LTBP1: variants seen among roughly 807,000 people sequenced by gnomAD.
The protein encoded by LTBP1 is latent-transforming growth factor beta-binding protein 1.
Under a neutral mutation model 207.6 loss-of-function variants are expected in LTBP1, and 129 were observed. The ratio of observed to expected loss-of-function variants is 0.62; its 90% CI spans 0.54 to 0.72. The LOEUF (loss-of-function observed/expected upper bound fraction) is 0.72. LTBP1 is among the 30% of genes least tolerant of loss of function. LTBP1 has a pLI of 0.00. For synonymous variants in LTBP1, 963 were observed against 833.7 expected (o/e 1.16, Z -2.67); for missense variants, 2,281 against 2,217.2 (o/e 1.03, Z -0.58).
chr2:33,396,055 A>C (rs1005921578), intron 32 of LTBP1, among the ~76,000 whole-genome samples: 7 of 152,044 alleles, frequency 4.6e-5, no homozygotes, highest in Non-Finnish European at 8.8e-5. Flanking sequence ...TGCCTGGCTA[A>C]ATTGTTTTTA....
chr2:33,161,636 G>T (rs1558730936), intron 5 of LTBP1, among the ~76,000 whole-genome samples: 1 of 152,286 alleles, frequency 6.6e-6, no homozygotes, highest in East Asian at 1.9e-4. Context: ...AAAGAATGGA[G>T]AATGTTAATA....
intron 5 of LTBP1, among the ~76,000 whole-genome samples, chr2:33,173,050 C>G (rs2085627383): frequency 6.6e-6 from 1 of 152,038 alleles, no homozygotes; most frequent in African/African-American, 2.4e-5. Flanking sequence ...CAAGAGAAAG[C>G]AGGAAAGATC....
At chr2:33,153,047 T>C (rs368287319) in intron 5 of LTBP1, among the ~76,000 whole-genome samples, 2 of 152,212 alleles carry the variant, frequency 1.3e-5, no homozygotes, top group African/African-American at 2.4e-5. Flanking sequence ...ATGAAACATA[T>C]CTACGCAGAG....
At chr2:33,123,958 G>C (rs1266044711) in intron 4 of LTBP1, among the ~76,000 whole-genome samples, 2 of 152,112 alleles carry the variant, frequency 1.3e-5, no homozygotes, top group Non-Finnish European at 2.9e-5. Context: ...AGCTCTTTGT[G>C]TAAGTTATCT....
chr2:33,156,025 A>G (rs1303770886), intron 5 of LTBP1, among the ~76,000 whole-genome samples: 1 of 152,194 alleles, frequency 6.6e-6, no homozygotes, highest in Non-Finnish European at 1.5e-5. Flanking sequence ...AGAAATCTTA[A>G]ATTAATAACA....
At chr2:32,998,924 G>C (rs1455749916) in intron 2 of LTBP1, among the ~76,000 whole-genome samples, 1 of 152,210 alleles carries the variant, frequency 6.6e-6, no homozygotes, top group Non-Finnish European at 1.5e-5. Context: ...TGTTATAGCA[G>C]CCTGGGCTAA....
intron 4 of LTBP1, among the ~76,000 whole-genome samples, chr2:33,129,341 G>A (rs966497679): frequency 1.3e-5 from 2 of 152,152 alleles, no homozygotes; most frequent in Admixed American, 6.5e-5. Flanking sequence ...GGGCAGAGGC[G>A]ACAGCACTTG....
intron 3 of LTBP1, among the ~76,000 whole-genome samples, chr2:33,028,602 A>G (rs189292421): frequency 2.0e-5 from 3 of 152,276 alleles, no homozygotes; most frequent in East Asian, 1.9e-4. Context: ...GGAATTAGCA[A>G]AACTTTACTT....
intron 2 of LTBP1, among the ~76,000 whole-genome samples, chr2:32,989,746 G>A (rs1446801950): frequency 2.0e-5 from 3 of 152,198 alleles, no homozygotes; most frequent in Non-Finnish European, 4.4e-5. Context: ...ATCAAATAGT[G>A]TAATGGTCAA....
At chr2:33,179,522 A>G (rs1277415300) in intron 5 of LTBP1, among the ~76,000 whole-genome samples, 2 of 151,692 alleles carry the variant, frequency 1.3e-5, no homozygotes, top group South Asian at 2.1e-4. Context: ...TTTTTAAAGC[A>G]TTTTCTCTTT....
intron 26 of LTBP1, among the ~76,000 whole-genome samples, chr2:33,351,593 C>T (rs145612029): frequency 6.6e-6 from 1 of 152,316 alleles, no homozygotes; most frequent in East Asian, 1.9e-4. Context: ...TCAACAGAAC[C>T]GTTTTCCATT....
At chr2:33,319,696 C>G (rs1054502484) in intron 24 of LTBP1, among the ~76,000 whole-genome samples, 1 of 152,090 alleles carries the variant, frequency 6.6e-6, no homozygotes, top group Non-Finnish European at 1.5e-5. Flanking sequence ...GTCCGGCACA[C>G]CCCCCATCTC....
chr2:33,178,393 AG>A (rs1172152884), intron 5 of LTBP1, among the ~76,000 whole-genome samples: 1 of 152,252 alleles, frequency 6.6e-6, no homozygotes, highest in Non-Finnish European at 1.5e-5. Context: ...ATAAATGAAC[AG>A]GAAGCTATAA....
At chr2:33,315,292 A>G (rs2094252560) in intron 24 of LTBP1, 23 bp downstream of exon 24, 1 of 1,609,172 alleles carries the variant, frequency 6.2e-7, no homozygotes. Flanking sequence ...ATACGAAATC[A>G]TATTGTTGTG....
chr2:33,104,516 C>A (rs185336240), intron 3 of LTBP1, among the ~76,000 whole-genome samples: 34 of 152,304 alleles, frequency 2.2e-4, no homozygotes, highest in Non-Finnish European at 8.8e-5. Context: ...TGGTTTTCTG[C>A]AGTAATTTGC....
chr2:33,077,438 T>TG (rs1049713863), intron 3 of LTBP1, among the ~76,000 whole-genome samples: 1 of 152,198 alleles, frequency 6.6e-6, no homozygotes, highest in African/African-American at 2.4e-5. Flanking sequence ...CATCTGCTTC[T>TG]GGGGAGGCCT....
intron 2 of LTBP1, among the ~76,000 whole-genome samples, chr2:32,998,144 A>G (rs1001581001): frequency 2.4e-4 from 36 of 152,172 alleles, no homozygotes; most frequent in African/African-American, 8.0e-4. Flanking sequence ...CCCCAGACCT[A>G]ATAATCAAAT....
intron 10 of LTBP1, among the ~76,000 whole-genome samples, chr2:33,251,986 CAGA>C (rs1294645376): frequency 2.0e-5 from 3 of 152,174 alleles, no homozygotes; most frequent in African/African-American, 7.2e-5. Context: ...AAACGTATAG[CAGA>C]AGATGAGGAT....
intron 5 of LTBP1, among the ~76,000 whole-genome samples, chr2:33,178,758 T>C (rs1003181278): frequency 2.0e-5 from 3 of 152,212 alleles, no homozygotes; most frequent in Non-Finnish European, 4.4e-5. Flanking sequence ...GCTTGAATGG[T>C]ATCTCACCAC....
Sources: gnomAD v4.1 joint callset for allele counts (sites outside exome capture counted in the v4.1 genomes callset) on GRCh38, gnomAD v4.1.1 for gene constraint, MANE v1.5 for transcripts, NCBI Gene and HGNC (gene_info 2026-07-23, HGNC 2026-07-21) for gene names.